Variants in RARB observed in about 807,000 individuals in gnomAD.
The protein encoded by RARB is retinoic acid receptor beta, also known as HBV-activated protein.
RARB carries 17 observed loss-of-function variants against 51.9 expected under a neutral mutation model. The ratio of observed to expected loss-of-function variants is 0.33; its 90% CI spans 0.22 to 0.49. The LOEUF (loss-of-function observed/expected upper bound fraction) is 0.49, where lower values mean the gene tolerates loss of function less well. RARB is among the 20% of genes least tolerant of loss of function. The pLI, the probability that RARB is intolerant of heterozygous loss-of-function variation, is 0.99. For missense variants in RARB, 369 were observed against 550.8 expected (o/e 0.67, Z 3.30); for synonymous variants, 215 against 195.4 (o/e 1.10, Z -0.84).
chr3:25,242,093 C>T (rs1047201903), intron 5 of RARB, among the ~76,000 whole-genome samples: 1 of 152,170 alleles, frequency 6.6e-6, no homozygotes, highest in African/African-American at 2.4e-5. Flanking sequence ...TGTTTTTTGG[C>T]CACATAAATG....
At chr3:25,475,236 CTTAT>C (rs1297712512) in intron 2 of RARB, among the ~76,000 whole-genome samples, 1 of 152,042 alleles carries the variant, frequency 6.6e-6, no homozygotes, top group Non-Finnish European at 1.5e-5. Context: ...TTTTATCTGT[CTTAT>C]TTCTTATGAG....
At position 24,943,427 on chromosome 3, in the gene RARB, C is replaced by T. The variant is rs141484916; in HGVS notation, c.-380+84675C>T. ...TGAATCCATACCCCTTTAGGTCTAA[C>T]GGCATGCTAAAAAAGATTCCAAATC... is the stretch of plus-strand genomic sequence containing the variant. On this transcript the variant is annotated intron_variant, in intron 2 of 11. Transcript: ENST00000383772. 5.8e-3 allele frequency among the ~76,000 whole-genome samples: 884 copies of T among 152,224 alleles called. 6 individuals are homozygous for T. The highest frequency in any genetic ancestry group is 9.5e-3 in the Non-Finnish European group (643 of 68,002).
chr3:24,964,992 A>G (rs1354249841), intron 2 of RARB, among the ~76,000 whole-genome samples: 1 of 152,206 alleles, frequency 6.6e-6, no homozygotes, highest in African/African-American at 2.4e-5. Context: ...AACCAAAGAT[A>G]CTATGAAGAT....
chr3:24,881,577 A>G (rs978241312), intron 2 of RARB, among the ~76,000 whole-genome samples: 1 of 152,230 alleles, frequency 6.6e-6, no homozygotes, highest in Non-Finnish European at 1.5e-5. Flanking sequence ...TATTTTCATA[A>G]TGAAAAATAA....
intron 4 of RARB, among the ~76,000 whole-genome samples, chr3:25,161,381 A>T (rs1421511233): frequency 6.6e-6 from 1 of 151,936 alleles, no homozygotes; most frequent in African/African-American, 2.4e-5. Flanking sequence ...TACATTGCAA[A>T]GTCCTTTTGC....
At chr3:25,049,441 C>A (rs1698282522) in intron 2 of RARB, among the ~76,000 whole-genome samples, 1 of 152,174 alleles carries the variant, frequency 6.6e-6, no homozygotes, top group Non-Finnish European at 1.5e-5. Context: ...GGCAAATTAT[C>A]CTTGCTTATT....
chr3:25,597,825 C>A lies in RARB; in HGVS notation c.*1209C>A, dbSNP rs1701940710. Reference sequence around the variant, plus strand: ...AGTCTGTGATGTACTTTCACTGGCTCTGTTTGTACATTGAGATTGTTTGTT... The same window carrying A: ...AGTCTGTGATGTACTTTCACTGGCTATGTTTGTACATTGAGATTGTTTGTT... On this transcript the variant is annotated 3_prime_UTR_variant, in exon 8 of 8. Transcript: ENST00000330688. 2 of 152,128 alleles carry A rather than the reference C, an allele frequency of 1.3e-5. No individual in the cohort carries two copies. Among genetic ancestry groups the A allele is most frequent in the African/African-American group, 4.8e-5 (2 of 41,282 alleles). 9.4% of individuals were successfully genotyped at this position (152,128 alleles called of 1,614,324 possible). A position where few individuals can be genotyped will look rare whatever the true frequency, so the allele number is the denominator to read the frequency against.
At chr3:25,314,418 T>G (rs1376595070) in intron 5 of RARB, among the ~76,000 whole-genome samples, 4 of 152,198 alleles carry the variant, frequency 2.6e-5, no homozygotes, top group African/African-American at 4.8e-5. Context: ...CATTGTCAAT[T>G]GTGGGAAAAC....
intron 5 of RARB, among the ~76,000 whole-genome samples, chr3:25,354,405 G>A (rs964937705): frequency 6.6e-6 from 1 of 152,058 alleles, no homozygotes; most frequent in African/African-American, 2.4e-5. Context: ...TCCTCTTGGG[G>A]GTGGTCTGTT....
At chr3:25,048,793 T>C (rs1490835617) in intron 2 of RARB, among the ~76,000 whole-genome samples, 1 of 147,992 alleles carries the variant, frequency 6.8e-6, no homozygotes, top group African/African-American at 2.5e-5. Flanking sequence ...TCTCGCTCTG[T>C]TGCCCAGGCT....
intron 2 of RARB, among the ~76,000 whole-genome samples, chr3:25,034,267 A>G (rs528024411): frequency 3.3e-5 from 5 of 152,242 alleles, no homozygotes; most frequent in Non-Finnish European, 1.5e-5. Context: ...TCAAGATCGC[A>G]CCACTGCACT....
At chr3:25,361,832 T>C (rs1414313586) in intron 5 of RARB, among the ~76,000 whole-genome samples, 3 of 152,212 alleles carry the variant, frequency 2.0e-5, no homozygotes, top group Non-Finnish European at 4.4e-5. Flanking sequence ...CAAAGATTGC[T>C]GCTTTCTCCT....
At chr3:25,102,357 A>G (rs1211562536) in intron 3 of RARB, among the ~76,000 whole-genome samples, 2 of 152,002 alleles carry the variant, frequency 1.3e-5, no homozygotes, top group South Asian at 2.1e-4. Context: ...CCAGGCCAAC[A>G]TGGTGCAACC....
At chr3:25,099,226 A>G (rs1171888417) in intron 3 of RARB, among the ~76,000 whole-genome samples, 1 of 152,052 alleles carries the variant, frequency 6.6e-6, no homozygotes, top group Non-Finnish European at 1.5e-5. Flanking sequence ...CCCTGAGGAA[A>G]ATTGGCCCCC....
intron 3 of RARB, among the ~76,000 whole-genome samples, chr3:25,504,150 C>G (rs1469677496): frequency 6.6e-6 from 1 of 152,250 alleles, no homozygotes; most frequent in Non-Finnish European, 1.5e-5. Flanking sequence ...ACGCATGTCA[C>G]TGAACAGTCC....
chr3:25,146,503 G>GTTTTTTTTTTTTTTTT (rs1364462708), intron 4 of RARB, among the ~76,000 whole-genome samples: 10 of 73,516 alleles, frequency 1.4e-4, no homozygotes, highest in African/African-American at 2.3e-4. Flanking sequence ...TTTTTTGTTT[G>GTTTTTTTTTTTTTTTT]TTTGTTTGTT....
intron 5 of RARB, among the ~76,000 whole-genome samples, chr3:25,208,087 A>G (rs771942149): frequency 6.6e-6 from 1 of 152,158 alleles, no homozygotes; most frequent in Middle Eastern, 3.2e-3. Flanking sequence ...GTACTCACTC[A>G]TTATTGCAAG....
At chr3:25,118,786 C>A (rs1173004635) in intron 3 of RARB, among the ~76,000 whole-genome samples, 1 of 152,012 alleles carries the variant, frequency 6.6e-6, no homozygotes, top group African/African-American at 2.4e-5. Context: ...ACACAAGATC[C>A]TCCCCAGAAA....
intron 5 of RARB, among the ~76,000 whole-genome samples, chr3:25,199,975 T>G (rs1264309469): frequency 6.6e-6 from 1 of 152,224 alleles, no homozygotes; most frequent in Non-Finnish European, 1.5e-5. Flanking sequence ...ATGGGATGGC[T>G]GGGTCAAATG....
Sources: allele counts gnomAD v4.1 joint callset (sites outside exome capture counted in the v4.1 genomes callset), GRCh38; gene constraint gnomAD v4.1.1; transcripts MANE v1.5; gene names NCBI Gene and HGNC (gene_info 2026-07-23, HGNC 2026-07-21).